PRKD1: variants seen among roughly 807,000 people sequenced by gnomAD.
The protein encoded by PRKD1 is serine/threonine-protein kinase D1.
A neutral mutation model predicts 95.9 loss-of-function variants in PRKD1; 63 were observed. That is an observed-to-expected ratio of 0.66 (90% CI 0.54 to 0.81). The LOEUF is 0.81. PRKD1 is among the 30% of genes least tolerant of loss of function. The pLI, the probability that PRKD1 is intolerant of heterozygous loss-of-function variation, is 0.00. For synonymous variants in PRKD1, 425 were observed against 423.1 expected, an observed-to-expected ratio of 1.00 and a Z score of -0.05; for missense variants, 1,048 against 1,165.3, an observed-to-expected ratio of 0.90 and a Z score of 1.47.
At chr14:29,589,764 G>C (rs1893062676) in intron 16 of PRKD1, among the ~76,000 whole-genome samples, 1 of 151,858 alleles carries the variant, frequency 6.6e-6, no homozygotes, top group African/African-American at 2.4e-5. Flanking sequence ...TTTTATGAAA[G>C]TTATTGCATG....
intron 2 of PRKD1, among the ~76,000 whole-genome samples, chr14:29,675,941 G>C (rs1227081411): frequency 4.6e-5 from 6 of 130,910 alleles, no homozygotes; most frequent in Non-Finnish European, 7.8e-5. Context: ...AGAACACTTG[G>C]ACACAGGAAG....
chr14:29,764,482 T>C (rs1437630929), intron 1 of PRKD1, among the ~76,000 whole-genome samples: 1 of 152,130 alleles, frequency 6.6e-6, no homozygotes, highest in Non-Finnish European at 1.5e-5. Flanking sequence ...TTATAAGTAA[T>C]AGAAATTTAT....
At chr14:29,619,012 A>C (rs1879064334) in intron 13 of PRKD1, among the ~76,000 whole-genome samples, 1 of 152,232 alleles carries the variant, frequency 6.6e-6, no homozygotes, top group Non-Finnish European at 1.5e-5. Flanking sequence ...GTTAGGCCCT[A>C]CTAGGGCACC....
chr14:29,839,945 G>A (rs554307749), intron 1 of PRKD1, among the ~76,000 whole-genome samples: 1 of 152,228 alleles, frequency 6.6e-6, no homozygotes, highest in Admixed American at 6.5e-5. Context: ...CCGGGCCTGT[G>A]ATGGGAGGGC....
intron 1 of PRKD1, among the ~76,000 whole-genome samples, chr14:29,826,686 C>CACATATATAT (rs1208988479): frequency 9.4e-4 from 32 of 34,120 alleles, no homozygotes; most frequent in African/African-American, 2.6e-3. Context: ...TATATATATA[C>CACATATATAT]ACACATATAT....
At chr14:29,711,337 T>C (rs1312749970) in intron 2 of PRKD1, among the ~76,000 whole-genome samples, 1 of 152,128 alleles carries the variant, frequency 6.6e-6, no homozygotes, top group Non-Finnish European at 1.5e-5. Flanking sequence ...TAAGAATACA[T>C]GGACTTAAAC....
rs45536441 is a variant in PRKD1, at chr14:29,663,925, G to A, written c.536-66C>T. 849 of 1,474,972 alleles carry A rather than the reference G, an allele frequency of 5.8e-4. 3 individuals are homozygous for A. In the African/African-American group the frequency reaches 0.01, roughly 18 times the overall value. 91.4% of individuals were successfully genotyped at this position (1,474,972 alleles called of 1,614,324 possible). The stretch of plus-strand genomic sequence containing the variant: ...ATTAAAAAGTGATTCCAATATTAGT[G>A]TAAAGTAGAAATTTAAAAAATAGTA... On this transcript the variant is annotated intron_variant, in intron 3 of 17. Coordinates refer to ENST00000331968, the MANE Select transcript of PRKD1 (RefSeq NM_002742.3).
intron 1 of PRKD1, among the ~76,000 whole-genome samples, chr14:29,810,483 T>C (rs1890437405): frequency 6.6e-6 from 1 of 152,244 alleles, no homozygotes; most frequent in South Asian, 2.1e-4. Flanking sequence ...TTTTCAAATA[T>C]TTTATCTAAA....
At chr14:29,634,309 T>A (rs1880219480) in intron 8 of PRKD1, 109 bp downstream of exon 8, 1 of 1,522,936 alleles carries the variant, frequency 6.6e-7, no homozygotes, top group South Asian at 1.2e-5. Context: ...ATGCCTGTGC[T>A]GAGGTTTACT....
chr14:29,830,652 T>C (rs1015930518), intron 1 of PRKD1, among the ~76,000 whole-genome samples: 1 of 152,120 alleles, frequency 6.6e-6, no homozygotes, highest in African/African-American at 2.4e-5. Context: ...TATACTAAGC[T>C]TAACATAATA....
At chr14:29,692,210 A>ATT (rs71108493) in intron 2 of PRKD1, among the ~76,000 whole-genome samples, 11,808 of 148,556 alleles carry the variant, frequency 0.079, 597 homozygotes, top group African/African-American at 0.14. Context: ...CTTCCTGTTC[A>ATT]TTTTTTTTTT....
chr14:29,725,494 C>T, intron 2 of PRKD1, 42 bp downstream of exon 2: 1 of 1,587,078 alleles, frequency 6.3e-7, no homozygotes, highest in Non-Finnish European at 8.6e-7. Context: ...TCAAATACAA[C>T]TTCTAATCTA....
intron 1 of PRKD1, among the ~76,000 whole-genome samples, chr14:29,903,402 A>G (rs1894387955): frequency 6.6e-6 from 1 of 152,218 alleles, no homozygotes; most frequent in Non-Finnish European, 1.5e-5. Context: ...ATGTTCTTCA[A>G]TCAATTATTC....
chr14:29,802,133 G>T (rs924489485), intron 1 of PRKD1, among the ~76,000 whole-genome samples: 1 of 150,886 alleles, frequency 6.6e-6, no homozygotes, highest in Non-Finnish European at 1.5e-5. Context: ...GGGAAGGAGA[G>T]AATTAATAAA....
intron 13 of PRKD1, among the ~76,000 whole-genome samples, chr14:29,622,130 T>A (rs760680856): frequency 6.6e-6 from 1 of 152,042 alleles, no homozygotes; most frequent in Non-Finnish European, 1.5e-5. Context: ...AACCAGAAGA[T>A]CCTTCTCTTG....
intron 1 of PRKD1, among the ~76,000 whole-genome samples, chr14:29,906,171 A>G (rs1894487714): frequency 6.6e-6 from 1 of 152,152 alleles, no homozygotes; most frequent in Non-Finnish European, 1.5e-5. Flanking sequence ...CCCACCATCT[A>G]GTATATAATA....
At chr14:29,838,700 T>C (rs1594565911) in intron 1 of PRKD1, among the ~76,000 whole-genome samples, 2 of 152,196 alleles carry the variant, frequency 1.3e-5, no homozygotes, top group South Asian at 2.1e-4. Flanking sequence ...AGAGGATATA[T>C]ATATAAATGC....
At chr14:29,904,566 A>G (rs1894430215) in intron 1 of PRKD1, among the ~76,000 whole-genome samples, 1 of 152,204 alleles carries the variant, frequency 6.6e-6, no homozygotes, top group African/African-American at 2.4e-5. Flanking sequence ...ATTAAGGATA[A>G]TAACACTAGC....
At chr14:29,640,041 G>C (rs139222798) in intron 4 of PRKD1, among the ~76,000 whole-genome samples, 1 of 152,048 alleles carries the variant, frequency 6.6e-6, no homozygotes, top group South Asian at 2.1e-4. Context: ...CTTTTGAACC[G>C]TTGTTATAAT....
Sources: gnomAD v4.1 joint callset for allele counts (sites outside exome capture counted in the v4.1 genomes callset) on GRCh38, gnomAD v4.1.1 for gene constraint, MANE v1.5 for transcripts, NCBI Gene and HGNC (gene_info 2026-07-23, HGNC 2026-07-21) for gene names.